Variants in SMAD3 observed in about 807,000 individuals in gnomAD.
The protein encoded by SMAD3 is MAD homolog 3.
SMAD3 carries 12 observed loss-of-function variants against 51.8 expected under a neutral mutation model. That is an observed-to-expected ratio of 0.23 (90% CI 0.15 to 0.38). SMAD3 has a LOEUF of 0.38. Ranked by LOEUF, SMAD3 falls within the 10% of genes least tolerant of loss-of-function variation. SMAD3 has a pLI of 1.00. For missense variants in SMAD3, 294 were observed against 565.6 expected (o/e 0.52, Z 4.87); for synonymous variants, 238 against 227.7 (o/e 1.05, Z -0.41).
At chr15:67,101,932 A>G (rs6494631) in intron 1 of SMAD3, among the ~76,000 whole-genome samples, 146,888 of 152,332 alleles carry the variant, frequency 0.96, 71,049 homozygotes, top group East Asian at 1. Flanking sequence ...AATGCAAACT[A>G]GTTTGTGTTG....
chr15:67,066,559 C>T (rs1211786919), intron 1 of SMAD3, among the ~76,000 whole-genome samples, 199 bp downstream of exon 1: 1 of 152,218 alleles, frequency 6.6e-6, no homozygotes, highest in Admixed American at 6.5e-5. Flanking sequence ...CTCTGATTTG[C>T]AAAGATCAGA....
intron 1 of SMAD3, among the ~76,000 whole-genome samples, chr15:67,136,324 C>G (rs1268931155): frequency 1.5e-5 from 2 of 137,120 alleles, no homozygotes; most frequent in African/African-American, 5.6e-5. Context: ...CAGAGTCAGT[C>G]ATTCTTTTTT....
chr15:67,138,060 GGC>G (rs1961711021), intron 1 of SMAD3: 3 of 1,551,816 alleles, frequency 1.9e-6, no homozygotes, highest in Non-Finnish European at 2.6e-6. Flanking sequence ...AACGTGGAAA[GGC>G]GCAGCTCTGG....
At chr15:67,167,103 G>T (rs1482848806) in intron 4 of SMAD3, among the ~76,000 whole-genome samples, 2 of 152,180 alleles carry the variant, frequency 1.3e-5, no homozygotes, top group South Asian at 4.1e-4. Flanking sequence ...GGAAGATGCC[G>T]CATGGCACCA....
chr15:67,112,336 T>A (rs1280284625), intron 1 of SMAD3, among the ~76,000 whole-genome samples: 1 of 143,202 alleles, frequency 7.0e-6, no homozygotes, highest in Admixed American at 7.2e-5. Flanking sequence ...TTTTTTTTTT[T>A]TTTTAGTAGA....
chr15:67,142,237 A>C (rs1027140082), intron 1 of SMAD3, among the ~76,000 whole-genome samples: 4 of 139,736 alleles, frequency 2.9e-5, no homozygotes. Flanking sequence ...TCAGTGTTCA[A>C]ATGTTTAATA....
intron 1 of SMAD3, among the ~76,000 whole-genome samples, chr15:67,136,108 A>C (rs577000557): frequency 4.7e-4 from 72 of 152,348 alleles, no homozygotes; most frequent in African/African-American, 1.6e-3. Flanking sequence ...TTGGGAAAAG[A>C]AGGCTGAATA....
intron 6 of SMAD3, among the ~76,000 whole-genome samples, chr15:67,182,048 A>G (rs1354553230): frequency 6.6e-6 from 1 of 152,162 alleles, no homozygotes; most frequent in Admixed American, 6.5e-5. Context: ...TGGCCTCCCA[A>G]AGTGCTGGGA....
At chr15:67,111,717 G>A (rs992578269) in intron 1 of SMAD3, among the ~76,000 whole-genome samples, 2 of 152,154 alleles carry the variant, frequency 1.3e-5, no homozygotes, top group African/African-American at 4.8e-5. Flanking sequence ...TCTCATTATA[G>A]TTTTGATTTG....
intron 1 of SMAD3, chr15:67,098,901 G>A: frequency 1.4e-6 from 1 of 702,348 alleles, no homozygotes; most frequent in Non-Finnish European, 2.6e-6. Flanking sequence ...GTTCCTGAGG[G>A]GGCCAGTGTG....
intron 1 of SMAD3, among the ~76,000 whole-genome samples, chr15:67,101,020 ACTGT>A (rs764665678): frequency 2.6e-5 from 4 of 152,124 alleles, no homozygotes; most frequent in African/African-American, 4.8e-5. Flanking sequence ...TGCTCAGGAA[ACTGT>A]CTGTCTCACC....
At position 67,098,769 on chromosome 15, in the gene SMAD3, G is replaced by A. The variant is rs566294050; in HGVS notation, c.206+32409G>A. ...TGGAGGCCTCCACAGCCCCCGGAAG[G>A]CAGGTGGAAGTGGGCATGGAGGGTC... is the stretch of plus-strand genomic sequence containing the variant. On this transcript the variant is annotated intron_variant, in intron 1 of 8. Transcript: ENST00000327367. 1.1e-3 allele frequency: 714 copies of A among 646,962 alleles called. 1 individual carries two copies. Among genetic ancestry groups the A allele is most frequent in the South Asian group, 1.7e-3 (101 of 58,608 alleles). 40.1% of individuals were successfully genotyped at this position (646,962 alleles called of 1,614,324 possible).
intron 4 of SMAD3, among the ~76,000 whole-genome samples, chr15:67,167,318 C>G (rs1295817637): frequency 6.6e-6 from 1 of 152,116 alleles, no homozygotes; most frequent in Admixed American, 6.5e-5. Context: ...GTCTGGAGTC[C>G]AGAGAGTGTC....
At chr15:67,155,014 T>G (rs1461123954) in intron 1 of SMAD3, among the ~76,000 whole-genome samples, 1 of 152,208 alleles carries the variant, frequency 6.6e-6, no homozygotes, top group East Asian at 1.9e-4. Flanking sequence ...TGAGGACTCC[T>G]TCTCACACTG....
At chr15:67,072,288 C>T (rs1253850396) in intron 1 of SMAD3, among the ~76,000 whole-genome samples, 1 of 152,188 alleles carries the variant, frequency 6.6e-6, no homozygotes, top group East Asian at 1.9e-4. Flanking sequence ...ATGCACAGTA[C>T]AGCCATTATT....
chr15:67,076,227 C>G (rs1379073174), intron 1 of SMAD3, among the ~76,000 whole-genome samples: 7 of 152,168 alleles, frequency 4.6e-5, no homozygotes, highest in African/African-American at 1.7e-4. Context: ...AATTCATATT[C>G]TTAGGCGGTT....
Position 67,193,464 on chromosome 15 carries a change from T to C in SMAD3, c.*2928T>C, listed in dbSNP as rs1469149789. The C allele has an allele frequency of 8.6e-6, 2 of 233,840 alleles. No homozygotes were observed. Among genetic ancestry groups the C allele is most frequent in the Non-Finnish European group, 1.7e-5 (2 of 118,094 alleles). The allele number at this position is 233,840 out of a possible 1,614,324, so 14.5% of individuals were successfully genotyped here. ...CCCACCTCGCTTCTTCCCAATTTAG[T>C]AACTTAGATGCTTCCAGCACATACG... is the stretch of plus-strand genomic sequence containing the variant. On this transcript the variant is annotated 3_prime_UTR_variant, in exon 9 of 9. Transcript: ENST00000327367.
intron 1 of SMAD3, among the ~76,000 whole-genome samples, chr15:67,103,443 A>T (rs1016232690): frequency 6.6e-6 from 1 of 152,202 alleles, no homozygotes; most frequent in Non-Finnish European, 1.5e-5. Context: ...CACGATGCAA[A>T]CATGAGTTAT....
chr15:67,114,184 C>G (rs573619314), intron 1 of SMAD3, among the ~76,000 whole-genome samples: 1 of 152,270 alleles, frequency 6.6e-6, no homozygotes, highest in Non-Finnish European at 1.5e-5. Context: ...CATGTGGAAC[C>G]CACCCGCCTT....
Sources: gnomAD v4.1 joint callset for allele counts (sites outside exome capture counted in the v4.1 genomes callset) on GRCh38, gnomAD v4.1.1 for gene constraint, MANE v1.5 for transcripts, NCBI Gene and HGNC (gene_info 2026-07-23, HGNC 2026-07-21) for gene names.